The following ME3 variants were observed in gnomAD, a reference collection of about 807,000 sequenced individuals.
The protein encoded by ME3 is malic enzyme 3.
Under a neutral mutation model 68.9 loss-of-function variants are expected in ME3, and 48 were observed. The observed-to-expected ratio is 0.70, with a 90% CI of 0.55 to 0.89. The LOEUF is 0.89. Among genes scored for constraint, ME3 ranks in the 40% least tolerant of loss-of-function variants. ME3 has a pLI of 0.00. For synonymous variants in ME3, 320 were observed against 318.8 expected, an observed-to-expected ratio of 1.00 and a Z score of -0.04; for missense variants, 675 against 797.4, an observed-to-expected ratio of 0.85 and a Z score of 1.85.
At chr11:86,553,750 A>G (rs371968574) in intron 4 of ME3, among the ~76,000 whole-genome samples, 2 of 152,158 alleles carry the variant, frequency 1.3e-5, no homozygotes, top group East Asian at 1.9e-4. Flanking sequence ...TGCTGGATCA[A>G]TTCCTCCCAG....
chr11:86,470,378 T>G (rs1950719389), intron 7 of ME3, among the ~76,000 whole-genome samples: 1 of 152,158 alleles, frequency 6.6e-6, no homozygotes, highest in Non-Finnish European at 1.5e-5. Flanking sequence ...AATGGAAAAC[T>G]ATTTCTTTTT....
chr11:86,640,976 C>A (rs1944631619), intron 2 of ME3, among the ~76,000 whole-genome samples: 1 of 151,082 alleles, frequency 6.6e-6, no homozygotes, highest in Non-Finnish European at 1.5e-5. Context: ...AGGCCAATAT[C>A]ATCATGTTCA....
intron 2 of ME3, among the ~76,000 whole-genome samples, chr11:86,639,941 G>C (rs927796804): frequency 6.6e-6 from 1 of 152,116 alleles, no homozygotes; most frequent in Non-Finnish European, 1.5e-5. Context: ...AGAGCTGATG[G>C]GAATCAAAGC....
chr11:86,614,377 C>T (rs1942807470), intron 2 of ME3, among the ~76,000 whole-genome samples: 3 of 152,174 alleles, frequency 2.0e-5, no homozygotes, highest in Admixed American at 2.0e-4. Context: ...GTTAAAACGT[C>T]CACTCTTGAA....
At chr11:86,450,102 C>T in intron 9 of ME3, 100 bp from the exon 10 acceptor site, 1 of 1,082,056 alleles carries the variant, frequency 9.2e-7, no homozygotes, top group Non-Finnish European at 1.4e-6. Context: ...TTTCCCCCAC[C>T]TCAATGACTC....
chr11:86,592,977 C>T (rs891870443), intron 2 of ME3, among the ~76,000 whole-genome samples: 2 of 152,172 alleles, frequency 1.3e-5, no homozygotes, highest in Non-Finnish European at 2.9e-5. Context: ...CCATAGGCCT[C>T]AGCTCCCTTA....
intron 2 of ME3, among the ~76,000 whole-genome samples, chr11:86,617,045 G>GTTTTT (rs563738961): frequency 0.13 from 7,271 of 56,200 alleles, 1,732 homozygotes; most frequent in Non-Finnish European, 0.18. Flanking sequence ...CAAGATAGTA[G>GTTTTT]TTTTTTTTTT....
intron 2 of ME3, among the ~76,000 whole-genome samples, chr11:86,560,474 C>A (rs1050565442): frequency 6.6e-6 from 1 of 151,826 alleles, no homozygotes; most frequent in Non-Finnish European, 1.5e-5. Context: ...AGTGTGAAAA[C>A]GGACTAATAC....
intron 2 of ME3, among the ~76,000 whole-genome samples, chr11:86,620,173 A>C (rs1490094925): frequency 6.6e-6 from 1 of 152,250 alleles, no homozygotes; most frequent in African/African-American, 2.4e-5. Flanking sequence ...CGTTTTTTTA[A>C]ACTGAAGTGT....
chr11:86,661,845 TTG>T (rs1330307653), intron 2 of ME3, among the ~76,000 whole-genome samples: 3 of 30,664 alleles, frequency 9.8e-5, no homozygotes, highest in Admixed American at 3.8e-4. Flanking sequence ...TTGTATTGTA[TTG>T]TATTGTATTG....
At chr11:86,580,637 T>C (rs1016927164) in intron 2 of ME3, among the ~76,000 whole-genome samples, 2 of 152,154 alleles carry the variant, frequency 1.3e-5, no homozygotes, top group African/African-American at 4.8e-5. Flanking sequence ...ACTATTTCAG[T>C]TTTGTCCTTC....
At chr11:86,513,326 T>C (rs150222037) in intron 4 of ME3, among the ~76,000 whole-genome samples, 1 of 152,366 alleles carries the variant, frequency 6.6e-6, no homozygotes, top group African/African-American at 2.4e-5. Flanking sequence ...TAAGAGCTTT[T>C]AACCACTTCT....
At chr11:86,611,232 G>C (rs1422256873) in intron 2 of ME3, among the ~76,000 whole-genome samples, 1 of 152,072 alleles carries the variant, frequency 6.6e-6, no homozygotes, top group African/African-American at 2.4e-5. Flanking sequence ...TGGTTGCCAG[G>C]GCCCGGGGTG....
chr11:86,606,488 G>T (rs7940781), intron 2 of ME3, among the ~76,000 whole-genome samples: 1 of 152,116 alleles, frequency 6.6e-6, no homozygotes, highest in South Asian at 2.1e-4. Flanking sequence ...TGGTCTGCCT[G>T]CAGCGAAGCT....
intron 2 of ME3, among the ~76,000 whole-genome samples, chr11:86,599,972 T>A (rs186822483): frequency 1.3e-5 from 2 of 152,144 alleles, no homozygotes; most frequent in East Asian, 3.9e-4. Context: ...AAGGCACAAC[T>A]GGTACCAGCC....
intron 6 of ME3, among the ~76,000 whole-genome samples, chr11:86,493,501 C>T (rs1262675505): frequency 2.0e-5 from 3 of 152,198 alleles, no homozygotes; most frequent in African/African-American, 7.2e-5. Flanking sequence ...CTCTGAGCCT[C>T]GTTTCCCATG....
intron 2 of ME3, among the ~76,000 whole-genome samples, chr11:86,564,955 G>C (rs1341926227): frequency 6.6e-6 from 1 of 152,068 alleles, no homozygotes; most frequent in Non-Finnish European, 1.5e-5. Context: ...TCTGATAATG[G>C]TTTAATATCC....
At chr11:86,556,424 G>A in intron 4 of ME3, 129 bp downstream of exon 4, 4 of 1,138,360 alleles carry the variant, frequency 3.5e-6, no homozygotes, top group African/African-American at 3.1e-5. Context: ...GAAATCAAAT[G>A]TCTTTTTGTT....
intron 7 of ME3, 141 bp downstream of exon 7, chr11:86,487,196 G>A: frequency 3.0e-6 from 2 of 675,322 alleles, no homozygotes; most frequent in Non-Finnish European, 5.2e-6. Context: ...CACTCCTAGG[G>A]GTCAAGTTGG....
Sources: gnomAD v4.1 joint callset for allele counts (sites outside exome capture counted in the v4.1 genomes callset) on GRCh38, gnomAD v4.1.1 for gene constraint, MANE v1.5 for transcripts, NCBI Gene and HGNC (gene_info 2026-07-23, HGNC 2026-07-21) for gene names.